The following PCNT variants were observed in gnomAD, a reference collection of about 807,000 sequenced individuals.
PCNT encodes the protein kendrin.
PCNT carries 319 observed loss-of-function variants against 380.4 expected under a neutral mutation model. That is an observed-to-expected ratio of 0.84 (90% CI 0.77 to 0.92). The LOEUF (loss-of-function observed/expected upper bound fraction) is 0.92, where lower values mean the gene tolerates loss of function less well. PCNT is among the 40% of genes least tolerant of loss of function. The pLI is 0.00. For synonymous variants in PCNT, 1,845 were observed against 1,735.2 expected (o/e 1.06, Z -1.57); for missense variants, 4,400 against 4,255.3 (o/e 1.03, Z -0.95).
chr21:46,392,886 C>T (rs1407513629), intron 21 of PCNT, among the ~76,000 whole-genome samples: 1 of 152,120 alleles, frequency 6.6e-6, no homozygotes, highest in Non-Finnish European at 1.5e-5. Flanking sequence ...CTTTTCTTGT[C>T]CTTTTATTTT....
At chr21:46,362,578 C>CT (rs60301735) in intron 13 of PCNT, among the ~76,000 whole-genome samples, 67 of 151,522 alleles carry the variant, frequency 4.4e-4, no homozygotes, top group African/African-American at 1.5e-3. Flanking sequence ...TCTTACGTGC[C>CT]TTTTTTTGGG....
chr21:46,347,139 G>A, intron 5 of PCNT, 141 bp downstream of exon 5: 3 of 1,124,016 alleles, frequency 2.7e-6, no homozygotes, highest in East Asian at 2.6e-5. Flanking sequence ...CTGGTGTCTG[G>A]CACCATGAGA....
rs1001612743 is a variant in PCNT at position 46,432,819 on chromosome 21, C to T, written c.8751+604C>T. On this transcript the variant is annotated intron_variant, in intron 38 of 46. Coordinates refer to ENST00000359568, the MANE Select transcript of PCNT (RefSeq NM_006031.6). ...TTTGGATTAGTAGAGACAGGGTTTT[C>T]CATGTTGGCCAGGCTGGTCTCAAAC... Among the ~76,000 whole-genome samples, 37 of 152,202 alleles carry T rather than the reference C, an allele frequency of 2.4e-4. No individual in the cohort carries two copies. In the East Asian group the frequency reaches 5.1e-3, roughly 21 times the overall value.
chr21:46,431,931 G>A lies in PCNT; in HGVS notation c.8467G>A (p.Glu2823Lys), dbSNP rs763291910. Residue 2823 changes from glutamate to lysine, a missense_variant, in exon 38 of 47, where the codon GAG becomes AAG. By Grantham distance (56) the Glu-to-Lys change is moderately conservative. Transcript: ENST00000359568. ...AGCCCTGCATTCTCAGCAGCAGCTT[G>A]AGGCTGAGGCTCAGAAGCACTGTGA... ...QQALHSQQQL[E>K]AEAQKHCEAL... The A allele has an allele frequency of 3.1e-6, 5 of 1,613,942 alleles. No homozygotes were observed. The highest frequency in any genetic ancestry group is 1.1e-5 in the South Asian group (1 of 91,096).
intron 17 of PCNT, 115 bp downstream of exon 17, chr21:46,386,098 T>C: frequency 8.2e-7 from 1 of 1,213,570 alleles, no homozygotes; most frequent in Non-Finnish European, 1.2e-6. Context: ...CCATGCACGC[T>C]GGCTCCTGGT....
rs1387068294 is a variant in PCNT, at chr21:46,349,133, C to T, written c.1154C>T (p.Ala385Val). 3 of 1,613,538 alleles carry T rather than the reference C, an allele frequency of 1.9e-6. No individual in the cohort carries two copies. The highest frequency in any genetic ancestry group is 4.5e-5 in the East Asian group (2 of 44,888). Residue 385 changes from alanine (A) to valine (V), a missense_variant, in exon 7 of 47, where the codon GCA becomes GTA. By Grantham distance (64) the Ala-to-Val change is moderately conservative. Coordinates refer to ENST00000359568, the MANE Select transcript of PCNT (RefSeq NM_006031.6). ...DLQNQFQKEL[A>V]EQRAELEKIF... Reference sequence around the variant, plus strand: ...CAAAACCAGTTTCAGAAAGAATTGGCAGAACAGAGAGCTGAGTTGGAGAAG... The same window carrying T: ...CAAAACCAGTTTCAGAAAGAATTGGTAGAACAGAGAGCTGAGTTGGAGAAG...
intron 3 of PCNT, 120 bp downstream of exon 3, chr21:46,334,888 CTG>C: frequency 6.7e-7 from 1 of 1,496,990 alleles, no homozygotes; most frequent in South Asian, 1.2e-5. Context: ...GAAGTGGAAA[CTG>C]GAAGCATAGA....
In PCNT at chr21:46,416,691, C is replaced by T. The variant is rs780052318; in HGVS notation, c.6773C>T (p.Thr2258Ile). ...GCCCTGAGCCTGTGCAGTGCCGACA[C>T]ATCCCTGGGGGACAGGGCGGACACC... ...SGALSLCSAD[T>I]SLGDRADTSL... Residue 2258 changes from threonine to isoleucine, a missense_variant, in exon 30 of 47, where the codon ACA (threonine) becomes ATA (isoleucine). Thr to Ile is a moderately conservative substitution (Grantham distance 89). Transcript: ENST00000359568. The T allele has an allele frequency of 5.1e-6, 8 of 1,565,824 alleles. No homozygotes were observed. Among genetic ancestry groups the T allele is most frequent in the Non-Finnish European group, 3.5e-6 (4 of 1,155,912 alleles).
chr21:46,435,364 T>G (rs781357019), intron 38 of PCNT, among the ~76,000 whole-genome samples: 43 of 152,112 alleles, frequency 2.8e-4, no homozygotes, highest in Middle Eastern at 3.4e-3. Flanking sequence ...TAGCTGGGAT[T>G]ACAGGTGCGC....
chr21:46,427,721 C>A lies in PCNT; in HGVS notation c.7420C>A (p.Pro2474Thr). 3.1e-6 allele frequency: 5 copies of A among 1,613,798 alleles called. No homozygotes were observed. Among genetic ancestry groups the A allele is most frequent in the Non-Finnish European group, 4.2e-6 (5 of 1,180,004 alleles). ...EQEMQGVELQ[P>T]RLSGSDLGGH... ...GGAGATGCAGGGGGTTGAGCTGCAG[C>A]CCCGACTCAGTGGCTCAGATCTGGG... The change falls in exon 34 of 47, where the codon CCC becomes ACC. Residue 2474 changes from proline (P) to threonine (T), a missense_variant. Transcript: ENST00000359568.
chr21:46,442,649 C>A (rs1175978175), intron 44 of PCNT, 76 bp downstream of exon 44: 3 of 945,000 alleles, frequency 3.2e-6, no homozygotes, highest in South Asian at 2.6e-5. Context: ...CACTTTGGGT[C>A]ATTTTTCAGT....
Position 46,326,589 on chromosome 21 carries a change from G to A in PCNT, c.267G>A (p.Gln89=). 1 of 1,613,602 alleles carries A rather than the reference G, an allele frequency of 6.2e-7. No individual in the cohort carries two copies. Among genetic ancestry groups the A allele is most frequent in the Non-Finnish European group, 8.5e-7 (1 of 1,179,554 alleles). ...PDGAGGAFAA[Q]PEDCDGEKRE... ...GGGCAGGAGGGGCCTTTGCAGCTCA[G>A]GTAGATTTGCTCAATGTTGTATTTG... Residue 89 remains glutamine (Q), a splice_region_variant and synonymous_variant, in exon 2 of 47, where the codon CAG becomes CAA. Coordinates refer to ENST00000359568, the MANE Select transcript of PCNT (RefSeq NM_006031.6).
In PCNT at chr21:46,411,512, C is replaced by T. The variant is rs1489427139; in HGVS notation, c.5439C>T (p.His1813=). Residue 1813 remains histidine (H), a synonymous_variant, in exon 28 of 47, where the codon CAC becomes CAT. Transcript: ENST00000359568. ...SRLLADQERR[H]SQALEALQQR... is the part of the protein sequence containing the mutation. ...TGCTGGCTGACCAGGAGCGCAGGCA[C>T]AGCCAGGCCCTGGAGGCCCTGCAGC... 4 of 1,609,474 alleles carry T rather than the reference C, an allele frequency of 2.5e-6. No individual in the cohort carries two copies. Among genetic ancestry groups the T allele is most frequent in the Non-Finnish European group, 2.5e-6 (3 of 1,178,470 alleles).
In PCNT at chr21:46,428,381, C is replaced by T. The variant is rs371675832; in HGVS notation, c.7495-14C>T. On this transcript the variant is annotated splice_polypyrimidine_tract_variant and intron_variant, in intron 34 of 46. Transcript: ENST00000359568. ...TGCCCAATGCTCAGGCTGCTTGTCC[C>T]ATTGTGCCCCCAGGGAGACCTGCAG... 80 of 1,610,672 alleles carry T rather than the reference C, an allele frequency of 5.0e-5. No individual in the cohort carries two copies. Among genetic ancestry groups the T allele is most frequent in the Non-Finnish European group, 5.7e-5 (67 of 1,178,998 alleles).
chr21:46,432,010 C>T lies in PCNT; in HGVS notation c.8546C>T (p.Ala2849Val). Residue 2849 changes from alanine to valine, a missense_variant, in exon 38 of 47, where the codon GCC becomes GTC. Coordinates refer to ENST00000359568, the MANE Select transcript of PCNT (RefSeq NM_006031.6). ...VSATLKSTVE[A>V]LHTQKRELRC... ...GCCACACTGAAGTCGACGGTGGAAG[C>T]CCTGCACACCCAAAAACGAGAGCTG... 6.2e-7 allele frequency: 1 copy of T among 1,613,838 alleles called. No homozygotes were observed.
At chr21:46,421,602 G>A (rs1026354284) in intron 31 of PCNT, among the ~76,000 whole-genome samples, 16 of 152,248 alleles carry the variant, frequency 1.1e-4, no homozygotes, top group Admixed American at 7.8e-4. Flanking sequence ...CTGGCGTGGA[G>A]GGTGCAGGCC....
chr21:46,405,241 T>A (rs1466364207), intron 27 of PCNT, among the ~76,000 whole-genome samples: 2 of 152,138 alleles, frequency 1.3e-5, no homozygotes, highest in African/African-American at 2.4e-5. Context: ...TAAAAAAAAA[T>A]AATTTTGGAG....
intron 3 of PCNT, among the ~76,000 whole-genome samples, chr21:46,342,203 C>G (rs1456627631): frequency 3.3e-5 from 5 of 151,638 alleles, no homozygotes; most frequent in East Asian, 3.9e-4. Flanking sequence ...GCCTCCTAGG[C>G]TTAAGTGATT....
rs780362550 is a variant in PCNT, at chr21:46,418,241, A to G, written c.6959A>G (p.Asp2320Gly). The change falls in exon 31 of 47, where the codon GAT becomes GGT. Residue 2320 changes from aspartate to glycine, a missense_variant. Transcript: ENST00000359568. ...DVEDFITTSF[D>G]SQETLSSPPP... ...GAAGATTTTATCACAACATCCTTTGATTCTCAAGAAACATTAAGTTCACCT... is the reference window on the plus strand; with the variant it reads ...GAAGATTTTATCACAACATCCTTTGGTTCTCAAGAAACATTAAGTTCACCT... 1 of 1,610,118 alleles carries G rather than the reference A, an allele frequency of 6.2e-7. No homozygotes were observed. Among genetic ancestry groups the G allele is most frequent in the Admixed American group, 1.7e-5 (1 of 60,024 alleles).
Sources: allele counts gnomAD v4.1 joint callset (sites outside exome capture counted in the v4.1 genomes callset), GRCh38; gene constraint gnomAD v4.1.1; transcripts MANE v1.5; gene names NCBI Gene and HGNC (gene_info 2026-07-23, HGNC 2026-07-21).